TAFA1: variants seen among roughly 807,000 people sequenced by gnomAD.
TAFA1 encodes the protein chemokine-like protein TAFA-1.
Under a neutral mutation model 18.5 loss-of-function variants are expected in TAFA1, and 4 were observed. The ratio of observed to expected loss-of-function variants is 0.22; its 90% CI spans 0.11 to 0.49. The LOEUF (loss-of-function observed/expected upper bound fraction) is 0.49, where lower values mean the gene tolerates loss of function less well. Among genes scored for constraint, TAFA1 ranks in the 20% least tolerant of loss-of-function variants. TAFA1 has a pLI of 0.98. For synonymous variants in TAFA1, 56 were observed against 55.2 expected (o/e 1.01, Z -0.06); for missense variants, 147 against 169.0 (o/e 0.87, Z 0.72).
intron 3 of TAFA1, among the ~76,000 whole-genome samples, chr3:68,455,754 C>T (rs781265228): frequency 4.6e-4 from 70 of 152,138 alleles, no homozygotes; most frequent in Non-Finnish European, 8.4e-4. Context: ...ATACATTATA[C>T]ATTCTCCAGC....
chr3:68,486,740 A>G (rs1171065682), intron 3 of TAFA1, among the ~76,000 whole-genome samples: 3 of 152,246 alleles, frequency 2.0e-5, no homozygotes, highest in Non-Finnish European at 2.9e-5. Context: ...ATTTATCATT[A>G]AAAAGGTAAG....
intron 2 of TAFA1, among the ~76,000 whole-genome samples, chr3:68,278,103 A>T (rs1379437086): frequency 6.6e-6 from 1 of 152,158 alleles, no homozygotes; most frequent in Non-Finnish European, 1.5e-5. Context: ...ATGTTTAAAC[A>T]TTCTAATGGG....
chr3:68,282,176 C>T (rs989240330), intron 2 of TAFA1, among the ~76,000 whole-genome samples: 8 of 152,170 alleles, frequency 5.3e-5, no homozygotes, highest in Admixed American at 4.6e-4. Flanking sequence ...GATTCAATTA[C>T]GTCCCATTGG....
intron 2 of TAFA1, among the ~76,000 whole-genome samples, chr3:68,011,149 G>A (rs1704463921): frequency 6.6e-6 from 1 of 150,730 alleles, no homozygotes; most frequent in African/African-American, 2.4e-5. Flanking sequence ...GGGGGGGTGG[G>A]TGTCCTTGAA....
At chr3:68,032,421 T>C (rs891622856) in intron 2 of TAFA1, among the ~76,000 whole-genome samples, 1 of 152,130 alleles carries the variant, frequency 6.6e-6, no homozygotes, top group Non-Finnish European at 1.5e-5. Context: ...CAGAGCTCAT[T>C]TCAACTCACT....
At chr3:68,231,237 T>C (rs1424379951) in intron 2 of TAFA1, among the ~76,000 whole-genome samples, 1 of 152,010 alleles carries the variant, frequency 6.6e-6, no homozygotes, top group Non-Finnish European at 1.5e-5. Context: ...AGGTAGAAAA[T>C]TGAACAAATG....
At chr3:68,334,568 C>T (rs1372082530) in intron 2 of TAFA1, among the ~76,000 whole-genome samples, 1 of 152,096 alleles carries the variant, frequency 6.6e-6, no homozygotes, top group African/African-American at 2.4e-5. Context: ...AATATGCAGC[C>T]TCTGACTCAC....
chr3:68,309,961 C>G (rs889657424), intron 2 of TAFA1, among the ~76,000 whole-genome samples: 5 of 152,298 alleles, frequency 3.3e-5, no homozygotes, highest in Admixed American at 6.5e-5. Context: ...CCACATGGCA[C>G]TTTTGTGCAA....
chr3:68,540,455 C>A (rs1206449384), intron 4 of TAFA1, among the ~76,000 whole-genome samples: 2 of 152,074 alleles, frequency 1.3e-5, no homozygotes, highest in Non-Finnish European at 2.9e-5. Flanking sequence ...TCAGGTTTCC[C>A]TTTGGTTACC....
chr3:68,021,521 A>G (rs1219926578), intron 2 of TAFA1, among the ~76,000 whole-genome samples: 2 of 152,196 alleles, frequency 1.3e-5, no homozygotes, highest in Non-Finnish European at 2.9e-5. Flanking sequence ...AAATCCAGGC[A>G]TATTCTAATA....
chr3:68,239,772 G>A (rs930591611), intron 2 of TAFA1, among the ~76,000 whole-genome samples: 2 of 152,094 alleles, frequency 1.3e-5, no homozygotes, highest in African/African-American at 2.4e-5. Flanking sequence ...CCAACTGATC[G>A]ACTGAATCCC....
chr3:68,378,116 G>A (rs1239372510), intron 2 of TAFA1, among the ~76,000 whole-genome samples: 1 of 152,188 alleles, frequency 6.6e-6, no homozygotes. Context: ...GTCCCCACTA[G>A]GGCACTGCCT....
At chr3:68,153,317 T>C (rs2065829347) in intron 2 of TAFA1, among the ~76,000 whole-genome samples, 1 of 152,192 alleles carries the variant, frequency 6.6e-6, no homozygotes, top group African/African-American at 2.4e-5. Context: ...TTCAAATCAC[T>C]GAAATGAATA....
intron 2 of TAFA1, among the ~76,000 whole-genome samples, chr3:68,169,670 C>T (rs1243443688): frequency 6.6e-6 from 1 of 152,194 alleles, no homozygotes; most frequent in Non-Finnish European, 1.5e-5. Flanking sequence ...ATATTTGATG[C>T]ACACTAAACT....
At chr3:68,224,736 C>G (rs2066774580) in intron 2 of TAFA1, among the ~76,000 whole-genome samples, 1 of 151,854 alleles carries the variant, frequency 6.6e-6, no homozygotes, top group South Asian at 2.1e-4. Context: ...GGCAATTACA[C>G]CAAACAACTT....
At chr3:68,485,330 C>T (rs1250848043) in intron 3 of TAFA1, among the ~76,000 whole-genome samples, 1 of 152,164 alleles carries the variant, frequency 6.6e-6, no homozygotes, top group Admixed American at 6.5e-5. Context: ...AGTTGCTCTA[C>T]CCCAACCCAC....
intron 2 of TAFA1, among the ~76,000 whole-genome samples, chr3:68,034,493 C>G (rs1436207802): frequency 6.6e-6 from 1 of 152,122 alleles, no homozygotes; most frequent in Non-Finnish European, 1.5e-5. Context: ...GGATTTGAGC[C>G]CAAGCAGTCT....
chr3:68,369,772 C>A (rs1291097983), intron 2 of TAFA1, among the ~76,000 whole-genome samples: 1 of 152,132 alleles, frequency 6.6e-6, no homozygotes, highest in Non-Finnish European at 1.5e-5. Context: ...TAAACAAGAT[C>A]TCCTGTTTCT....
chr3:68,090,557 T>C (rs1053909432), intron 2 of TAFA1, among the ~76,000 whole-genome samples: 2 of 152,196 alleles, frequency 1.3e-5, no homozygotes, highest in Non-Finnish European at 2.9e-5. Context: ...GGATAGGAAT[T>C]CTGCATGTCT....
Sources: allele counts gnomAD v4.1 joint callset (sites outside exome capture counted in the v4.1 genomes callset), GRCh38; gene constraint gnomAD v4.1.1; transcripts MANE v1.5; gene names NCBI Gene and HGNC (gene_info 2026-07-23, HGNC 2026-07-21).